The following TTC6 variants were observed in gnomAD, a reference collection of about 807,000 sequenced individuals.
The protein encoded by TTC6 is tetratricopeptide repeat domain 6, also known as tetratricopeptide repeat protein 6.
TTC6 carries 172 observed loss-of-function variants against 210.4 expected under a neutral mutation model. That is an observed-to-expected ratio of 0.82 (90% CI 0.72 to 0.93). TTC6 has a LOEUF of 0.93. Ranked by LOEUF, TTC6 falls within the 40% of genes least tolerant of loss-of-function variation. TTC6 has a pLI of 0.00. For missense variants in TTC6, 2,414 were observed against 2,318.1 expected, an observed-to-expected ratio of 1.04 and a Z score of -0.85; for synonymous variants, 804 against 819.6, an observed-to-expected ratio of 0.98 and a Z score of 0.32.
At chr14:37,821,937 C>T (rs977166197) in intron 26 of TTC6, among the ~76,000 whole-genome samples, 6 of 151,862 alleles carry the variant, frequency 4.0e-5, no homozygotes, top group East Asian at 3.9e-4. Context: ...CCTGCCACCA[C>T]GCTTTGCTAA....
intron 3 of TTC6, among the ~76,000 whole-genome samples, chr14:37,690,608 GA>G (rs980348031): frequency 2.0e-5 from 3 of 151,976 alleles, no homozygotes; most frequent in Admixed American, 1.3e-4. Flanking sequence ...TAGATTTCAG[GA>G]AAAAAACTAT....
chr14:37,755,347 T>C (rs2095964347), intron 14 of TTC6, among the ~76,000 whole-genome samples: 1 of 152,214 alleles, frequency 6.6e-6, no homozygotes, highest in African/African-American at 2.4e-5. Flanking sequence ...ATTCTGATGA[T>C]AGTTTCATTT....
chr14:37,599,093 G>T (rs1373527626), intron 1 of TTC6, among the ~76,000 whole-genome samples: 1 of 152,180 alleles, frequency 6.6e-6, no homozygotes, highest in African/African-American at 2.4e-5. Flanking sequence ...GGAAACAAGG[G>T]GTCACACGTG....
At chr14:37,822,294 A>T (rs757317642) in intron 26 of TTC6, among the ~76,000 whole-genome samples, 1 of 152,250 alleles carries the variant, frequency 6.6e-6, no homozygotes, top group Non-Finnish European at 1.5e-5. Context: ...GAAAATATTT[A>T]GTAAATGATA....
chr14:37,811,827 A>G (rs1033024647), intron 24 of TTC6, among the ~76,000 whole-genome samples: 12 of 152,094 alleles, frequency 7.9e-5, no homozygotes, highest in African/African-American at 2.9e-4. Context: ...TGATTTTTTC[A>G]TTGGATACAA....
intron 14 of TTC6, among the ~76,000 whole-genome samples, chr14:37,765,084 G>A (rs990033780): frequency 6.6e-6 from 1 of 151,732 alleles, no homozygotes; most frequent in Non-Finnish European, 1.5e-5. Context: ...AGTTTCAATA[G>A]TCTATAAAAA....
chr14:37,660,641 G>T (rs1231344978), intron 1 of TTC6, among the ~76,000 whole-genome samples: 1 of 152,298 alleles, frequency 6.6e-6, no homozygotes, highest in Non-Finnish European at 1.5e-5. Context: ...GGACAGTGCT[G>T]CAGTGAACAT....
chr14:37,727,726 T>C (rs181802448), intron 7 of TTC6, among the ~76,000 whole-genome samples: 3 of 127,746 alleles, frequency 2.3e-5, no homozygotes, highest in Admixed American at 2.2e-4. Context: ...AGTGTCTTTA[T>C]TTATTTTCAA....
intron 10 of TTC6, among the ~76,000 whole-genome samples, chr14:37,747,717 CAGGG>C (rs1321938406): frequency 2.0e-5 from 3 of 152,214 alleles, no homozygotes; most frequent in African/African-American, 7.2e-5. Context: ...TTTCCTGAGA[CAGGG>C]AGCAAGATGG....
At chr14:37,597,810 TCCG>T (rs1406671587) in intron 1 of TTC6, among the ~76,000 whole-genome samples, 1 of 152,042 alleles carries the variant, frequency 6.6e-6, no homozygotes, top group Admixed American at 6.6e-5. Context: ...TGGATTGAAC[TCCG>T]CACGCATCCC....
chr14:37,757,500 C>G (rs746099842), intron 14 of TTC6, among the ~76,000 whole-genome samples: 1 of 152,042 alleles, frequency 6.6e-6, no homozygotes, highest in African/African-American at 2.4e-5. Flanking sequence ...ATCTCGATCT[C>G]CTGACCTCGT....
chr14:37,687,868 C>A (rs1378709794), intron 3 of TTC6, among the ~76,000 whole-genome samples: 1 of 152,146 alleles, frequency 6.6e-6, no homozygotes, highest in African/African-American at 2.4e-5. Context: ...GGCACATTCC[C>A]AGCTGTGGTG....
chr14:37,830,639 A>C (rs1239232615), intron 29 of TTC6, among the ~76,000 whole-genome samples: 1 of 150,898 alleles, frequency 6.6e-6, no homozygotes, highest in Non-Finnish European at 1.5e-5. Context: ...TTCTAGTTCT[A>C]TCCTATTTCC....
At chr14:37,606,311 C>T (rs973375064) in intron 1 of TTC6, among the ~76,000 whole-genome samples, 1 of 152,130 alleles carries the variant, frequency 6.6e-6, no homozygotes, top group African/African-American at 2.4e-5. Context: ...TCTCTTTAGG[C>T]CACGTTACTT....
At chr14:37,663,710 A>T (rs925374430) in intron 1 of TTC6, among the ~76,000 whole-genome samples, 9 of 152,154 alleles carry the variant, frequency 5.9e-5, no homozygotes, top group Admixed American at 3.9e-4. Context: ...GGTTCATGTG[A>T]TGAGGAGGTC....
chr14:37,662,731 T>A (rs2095739924), intron 1 of TTC6, among the ~76,000 whole-genome samples: 2 of 152,184 alleles, frequency 1.3e-5, no homozygotes, highest in African/African-American at 4.8e-5. Context: ...TGTGTGGCCA[T>A]ATTTCTGGGC....
chr14:37,817,413 T>C (rs2096144622), intron 25 of TTC6, among the ~76,000 whole-genome samples, 165 bp from the exon 28 acceptor site: 1 of 152,156 alleles, frequency 6.6e-6, no homozygotes, highest in Admixed American at 6.5e-5. Flanking sequence ...ACAAGGAAAA[T>C]ATAAAGTTTT....
At chr14:37,635,482 G>A (rs544020103) in intron 1 of TTC6, among the ~76,000 whole-genome samples, 8 of 152,316 alleles carry the variant, frequency 5.3e-5, no homozygotes, top group Admixed American at 6.5e-5. Flanking sequence ...TGGTCTAAAT[G>A]TACCAACTGA....
exon 1 of TTC6, chr14:37,622,702 G>A (rs2095653570): frequency 3.3e-6 from 5 of 1,535,068 alleles, no homozygotes; most frequent in Non-Finnish European, 4.4e-6. Context: ...GCAGAGGACG[G>A]CTACATGGAG....
Sources: allele counts gnomAD v4.1 joint callset (sites outside exome capture counted in the v4.1 genomes callset), GRCh38; gene constraint gnomAD v4.1.1; transcripts MANE v1.5; gene names NCBI Gene and HGNC (gene_info 2026-07-23, HGNC 2026-07-21).